Variants in GLRA3 observed in about 807,000 individuals in gnomAD.
The protein encoded by GLRA3 is glycine receptor subunit alpha-3.
A neutral mutation model predicts 60.4 loss-of-function variants in GLRA3; 44 were observed. The ratio of observed to expected loss-of-function variants is 0.73; its 90% CI spans 0.57 to 0.94. The LOEUF (loss-of-function observed/expected upper bound fraction) is 0.94, where lower values mean the gene tolerates loss of function less well. Among genes scored for constraint, GLRA3 ranks in the 40% least tolerant of loss-of-function variants. The probability of loss-of-function intolerance (pLI) is 0.00; values close to 1 mark genes in which losing one functional copy is unlikely to be tolerated. For missense variants in GLRA3, 508 were observed against 564.6 expected (o/e 0.90, Z 1.02); for synonymous variants, 223 against 192.9 (o/e 1.16, Z -1.29).
chr4:174,725,026 A>C (rs1460644751), intron 4 of GLRA3, among the ~76,000 whole-genome samples: 1 of 152,240 alleles, frequency 6.6e-6, no homozygotes, highest in East Asian at 1.9e-4. Context: ...CAACTTCTTG[A>C]ATCTGCAGGC....
intron 5 of GLRA3, among the ~76,000 whole-genome samples, chr4:174,714,175 A>C (rs1735822293): frequency 6.6e-6 from 1 of 152,226 alleles, no homozygotes; most frequent in Non-Finnish European, 1.5e-5. Flanking sequence ...TAAGAGGTAC[A>C]GCAAGGACCA....
At chr4:174,656,617 G>C (rs1733217096) in intron 9 of GLRA3, 126 bp downstream of exon 9, 4 of 530,722 alleles carry the variant, frequency 7.5e-6, no homozygotes, top group Non-Finnish European at 1.4e-5. Context: ...GATGATATTT[G>C]CTCAGCTTTC....
intron 2 of GLRA3, among the ~76,000 whole-genome samples, chr4:174,776,587 G>A (rs1214555504): frequency 6.6e-6 from 1 of 151,826 alleles, no homozygotes; most frequent in Non-Finnish European, 1.5e-5. Context: ...GTTGTGAAAG[G>A]CCTAGAAAGC....
At chr4:174,693,178 G>C (rs1734923643) in intron 5 of GLRA3, among the ~76,000 whole-genome samples, 2 of 152,040 alleles carry the variant, frequency 1.3e-5, no homozygotes, top group Admixed American at 1.3e-4. Flanking sequence ...CCCACTTGTT[G>C]ATTTTTGTTT....
At chr4:174,683,376 A>C (rs1187227316) in intron 5 of GLRA3, among the ~76,000 whole-genome samples, 1 of 150,908 alleles carries the variant, frequency 6.6e-6, no homozygotes, top group African/African-American at 2.4e-5. Context: ...TTTGAGACGG[A>C]GTCTCACTCT....
intron 1 of GLRA3, among the ~76,000 whole-genome samples, chr4:174,817,451 CT>C (rs1044617183): frequency 6.6e-6 from 1 of 152,126 alleles, no homozygotes; most frequent in Non-Finnish European, 1.5e-5. Flanking sequence ...CTATTGTGCA[CT>C]TTTTGTCACT....
intron 5 of GLRA3, chr4:174,712,889 A>C (rs1436502331): frequency 1.3e-5 from 2 of 151,074 alleles, no homozygotes; most frequent in Non-Finnish European, 3.0e-5. Context: ...GTATGAGTAT[A>C]TATATACACA....
At chr4:174,720,146 G>A (rs1272655968) in intron 4 of GLRA3, among the ~76,000 whole-genome samples, 1 of 151,944 alleles carries the variant, frequency 6.6e-6, no homozygotes, top group Admixed American at 6.6e-5. Context: ...AGAAAAGTTG[G>A]GTTTCTTAGT....
intron 1 of GLRA3, among the ~76,000 whole-genome samples, chr4:174,791,164 T>C: frequency 6.6e-6 from 1 of 152,238 alleles, no homozygotes; most frequent in African/African-American, 2.4e-5. Flanking sequence ...AACAGTATCC[T>C]TATAAGGATA....
chr4:174,806,239 A>T (rs560870987), intron 1 of GLRA3, among the ~76,000 whole-genome samples: 1 of 152,280 alleles, frequency 6.6e-6, no homozygotes, highest in Non-Finnish European at 1.5e-5. Flanking sequence ...TAATCGCTGC[A>T]TGCGTAAGAC....
chr4:174,789,496 G>T lies in GLRA3; in HGVS notation c.72-553C>A, dbSNP rs1214123104. Reference sequence around the variant, plus strand: ...TTCTGCTTTTACCTACATGTCATTAGTCTACAATACCTTTCGTTCAGATCT... The same window carrying T: ...TTCTGCTTTTACCTACATGTCATTATTCTACAATACCTTTCGTTCAGATCT... On this transcript the variant is annotated intron_variant, in intron 1 of 9. Transcript: ENST00000274093. Among the ~76,000 whole-genome samples the T allele has an allele frequency of 3.9e-5, 6 of 152,136 alleles. No individual in the cohort carries two copies. The East Asian group carries it at 1.2e-3, about 29-fold the overall frequency.
At chr4:174,759,182 T>G (rs888020156) in intron 3 of GLRA3, among the ~76,000 whole-genome samples, 4 of 152,106 alleles carry the variant, frequency 2.6e-5, no homozygotes, top group Non-Finnish European at 4.4e-5. Flanking sequence ...GTGTAAGTAC[T>G]GACAGGAAGA....
chr4:174,656,355 G>A (rs150054531), intron 9 of GLRA3, among the ~76,000 whole-genome samples: 1 of 152,128 alleles, frequency 6.6e-6, no homozygotes, highest in Admixed American at 6.6e-5. Flanking sequence ...GTTGCTTTTA[G>A]AATTTGTTTG....
intron 2 of GLRA3, among the ~76,000 whole-genome samples, chr4:174,780,910 CAGAA>C (rs1261014256): frequency 1.3e-5 from 2 of 152,118 alleles, no homozygotes; most frequent in Non-Finnish European, 2.9e-5. Context: ...ATCAACGAGA[CAGAA>C]AGTCAAAAAG....
intron 3 of GLRA3, among the ~76,000 whole-genome samples, chr4:174,730,419 G>T (rs1279985762): frequency 2.6e-5 from 4 of 152,114 alleles, no homozygotes; most frequent in Non-Finnish European, 5.9e-5. Flanking sequence ...AATCATACCT[G>T]CCAGGAAAGA....
rs1303199039 is a variant in GLRA3, at chr4:174,692,295, C to T, written c.575-9356G>A. The stretch of plus-strand genomic sequence containing the variant: ...GGGGTCAGCACCCCACCCGGCCAGC[C>T]GCCCCGTCTGGGAGGGAGGTGGGGG... On this transcript the variant is annotated intron_variant, in intron 5 of 9. Transcript: ENST00000274093. 2.4e-3 allele frequency among the ~76,000 whole-genome samples: 346 copies of T among 146,172 alleles called. 5 individuals carry two copies. Among genetic ancestry groups the T allele is most frequent in the Non-Finnish European group, 4.0e-3 (263 of 66,422 alleles).
intron 7 of GLRA3, among the ~76,000 whole-genome samples, chr4:174,670,587 A>G (rs1158944215): frequency 6.6e-6 from 1 of 152,174 alleles, no homozygotes; most frequent in Admixed American, 6.5e-5. Context: ...CTGTGGTATC[A>G]TGCCATTTTA....
intron 5 of GLRA3, among the ~76,000 whole-genome samples, chr4:174,686,338 T>C (rs1734551827): frequency 6.6e-6 from 1 of 152,224 alleles, no homozygotes; most frequent in Non-Finnish European, 1.5e-5. Flanking sequence ...AGTCTGAGAA[T>C]GCTAAAGAGA....
At chr4:174,695,523 T>C (rs4443252) in intron 5 of GLRA3, among the ~76,000 whole-genome samples, 149,048 of 152,138 alleles carry the variant, frequency 0.98, 73,082 homozygotes, top group East Asian at 1. Flanking sequence ...AGAAAGCTTT[T>C]GATAAAATTC....
Sources: allele counts gnomAD v4.1 joint callset (sites outside exome capture counted in the v4.1 genomes callset), GRCh38; gene constraint gnomAD v4.1.1; transcripts MANE v1.5; gene names NCBI Gene and HGNC (gene_info 2026-07-23, HGNC 2026-07-21).